The following EDAR variants were observed in gnomAD, a reference collection of about 807,000 sequenced individuals.
The protein encoded by EDAR is ectodysplasin A receptor, also known as tumor necrosis factor receptor superfamily member EDAR.
A neutral mutation model predicts 51.3 loss-of-function variants in EDAR; 38 were observed. The ratio of observed to expected loss-of-function variants is 0.74; its 90% confidence interval spans 0.57 to 0.97. The LOEUF (loss-of-function observed/expected upper bound fraction) is 0.97. Among genes scored for constraint, EDAR ranks in the 50% least tolerant of loss-of-function variants. The probability of loss-of-function intolerance (pLI) is 0.00; values close to 1 mark genes in which losing one functional copy is unlikely to be tolerated. For synonymous variants in EDAR, 227 were observed against 242.1 expected, an observed-to-expected ratio of 0.94 and a Z score of 0.58; for missense variants, 528 against 595.0, an observed-to-expected ratio of 0.89 and a Z score of 1.17.
chr2:108,942,950 C>G (rs1017937006), intron 1 of EDAR, among the ~76,000 whole-genome samples: 3 of 152,246 alleles, frequency 2.0e-5, no homozygotes, highest in Admixed American at 1.3e-4. Context: ...TTAGACCATG[C>G]CTTCCCGGCC....
In EDAR at chr2:108,923,362, A is replaced by T; in HGVS notation, c.442+6T>A. On this transcript the variant is annotated splice_donor_region_variant and intron_variant, in intron 5 of 11. Transcript: ENST00000258443. ...ACCGTGCTGGTGGAAGGACAAAGAC[A>T]CTCACATTCCTTGGTGTTGGGGGGT... 6.2e-7 allele frequency: 1 copy of T among 1,613,768 alleles called. No homozygotes were observed. Among genetic ancestry groups the T allele is most frequent in the East Asian group, 2.2e-5 (1 of 44,876 alleles).
chr2:108,970,527 G>C (rs182842040), intron 1 of EDAR, among the ~76,000 whole-genome samples: 3 of 152,080 alleles, frequency 2.0e-5, no homozygotes, highest in African/African-American at 7.2e-5. Context: ...GCCTCTGGAC[G>C]GTGCCCAGGG....
At chr2:108,937,084 C>T (rs1019158497) in intron 1 of EDAR, among the ~76,000 whole-genome samples, 3 of 152,242 alleles carry the variant, frequency 2.0e-5, no homozygotes, top group African/African-American at 7.2e-5. Context: ...CAGGCACCGT[C>T]CTTCCCAAGG....
intron 1 of EDAR, among the ~76,000 whole-genome samples, chr2:108,939,480 G>A (rs1189898236): frequency 1.3e-5 from 2 of 152,178 alleles, no homozygotes; most frequent in African/African-American, 4.8e-5. Flanking sequence ...ATTACCAGGT[G>A]GGGAGGTCAG....
intron 5 of EDAR, among the ~76,000 whole-genome samples, chr2:108,919,223 G>A (rs996631644): frequency 1.3e-5 from 2 of 152,192 alleles, no homozygotes; most frequent in Non-Finnish European, 2.9e-5. Flanking sequence ...CGGAAACCAC[G>A]GGAGTACGCA....
intron 1 of EDAR, among the ~76,000 whole-genome samples, chr2:108,932,019 CT>C (rs1697374677): frequency 6.6e-6 from 1 of 152,114 alleles, no homozygotes; most frequent in Admixed American, 6.5e-5. Flanking sequence ...TCCCTAAGAC[CT>C]TTCACCCTCA....
At chr2:108,898,728 A>G (rs1696646292) in intron 11 of EDAR, among the ~76,000 whole-genome samples, 1 of 152,230 alleles carries the variant, frequency 6.6e-6, no homozygotes, top group Non-Finnish European at 1.5e-5. Context: ...ATCCTCAGGA[A>G]AAATAATAGA....
chr2:108,965,712 G>A lies in EDAR; in HGVS notation c.-19+23248C>T, dbSNP rs1361799293. 2.6e-5 allele frequency among the ~76,000 whole-genome samples: 4 copies of A among 152,118 alleles called. No individual in the cohort carries two copies. The East Asian group carries it at 7.8e-4, about 29-fold the overall frequency. ...ACCTTCCCTGGGTGTGTAGTAATTG[G>A]GGTTTGATGTAGGAGAGGTGTGACT... On this transcript the variant is annotated intron_variant, in intron 1 of 11. Transcript: ENST00000258443.
chr2:108,904,080 G>A (rs1354543563), intron 11 of EDAR, among the ~76,000 whole-genome samples: 1 of 152,018 alleles, frequency 6.6e-6, no homozygotes, highest in African/African-American at 2.4e-5. Flanking sequence ...TAGGACTAGT[G>A]TCTAGAATAT....
chr2:108,914,098 T>C (rs1416019280), intron 5 of EDAR, among the ~76,000 whole-genome samples: 1 of 150,842 alleles, frequency 6.6e-6, no homozygotes, highest in Non-Finnish European at 1.5e-5. Context: ...GCATCTCTAC[T>C]GAATACAAAA....
At chr2:108,967,862 A>G (rs1383763115) in intron 1 of EDAR, among the ~76,000 whole-genome samples, 26 of 152,206 alleles carry the variant, frequency 1.7e-4, no homozygotes, top group Admixed American at 1.7e-3. Flanking sequence ...TATTGAGAGC[A>G]GTGACTTCAC....
intron 1 of EDAR, among the ~76,000 whole-genome samples, chr2:108,971,865 A>T (rs939688475): frequency 7.2e-5 from 11 of 152,170 alleles, no homozygotes; most frequent in African/African-American, 2.7e-4. Flanking sequence ...GGCAGAAGAG[A>T]CGGTGCAATT....
At chr2:108,926,533 G>A (rs1195035991) in intron 4 of EDAR, among the ~76,000 whole-genome samples, 1 of 152,222 alleles carries the variant, frequency 6.6e-6, no homozygotes, top group Non-Finnish European at 1.5e-5. Context: ...CCAGTGCAGA[G>A]TCGCTGTGTC....
chr2:108,917,559 A>T (rs777638938), intron 5 of EDAR, among the ~76,000 whole-genome samples: 1 of 152,224 alleles, frequency 6.6e-6, no homozygotes, highest in Non-Finnish European at 1.5e-5. Context: ...AATTGAAAGA[A>T]GAACAAGCAT....
chr2:108,947,782 G>A (rs1317371119), intron 1 of EDAR, among the ~76,000 whole-genome samples: 2 of 152,194 alleles, frequency 1.3e-5, no homozygotes, highest in Admixed American at 6.5e-5. Context: ...GTCTGTGGTG[G>A]GAGAGGCTGG....
intron 1 of EDAR, among the ~76,000 whole-genome samples, chr2:108,936,884 T>TA (rs1363282660): frequency 6.6e-6 from 1 of 152,198 alleles, no homozygotes; most frequent in Non-Finnish European, 1.5e-5. Flanking sequence ...ATGCAGCACT[T>TA]AGTGTCCTGC....
intron 1 of EDAR, among the ~76,000 whole-genome samples, chr2:108,961,289 G>C (rs2104404183): frequency 6.6e-6 from 1 of 151,946 alleles, no homozygotes; most frequent in East Asian, 1.9e-4. Context: ...AAATAATTAA[G>C]AGGGGGAGAC....
rs72937916 is a variant in EDAR, at chr2:108,898,050, G to A, written c.1025-821C>T. Among the ~76,000 whole-genome samples the A allele has an allele frequency of 5.3e-3, 812 of 152,274 alleles. 10 individuals are homozygous for A. Among genetic ancestry groups the A allele is most frequent in the African/African-American group, 0.016 (681 of 41,548 alleles). ...ACAGACAAAAACAGCCCCAACAAAA[G>A]TCTTCTGTCTCTAGTCAGAGCACTA... On this transcript the variant is annotated intron_variant, in intron 11 of 11. Coordinates refer to ENST00000258443, the MANE Select transcript of EDAR (RefSeq NM_022336.4).
intron 11 of EDAR, among the ~76,000 whole-genome samples, chr2:108,898,395 A>G (rs944981980): frequency 6.6e-6 from 1 of 152,164 alleles, no homozygotes; most frequent in Non-Finnish European, 1.5e-5. Flanking sequence ...TTGAGTGGGG[A>G]ATTTGGATGT....
Sources: gnomAD v4.1 joint callset for allele counts (sites outside exome capture counted in the v4.1 genomes callset) on GRCh38, gnomAD v4.1.1 for gene constraint, MANE v1.5 for transcripts, NCBI Gene and HGNC (gene_info 2026-07-23, HGNC 2026-07-21) for gene names.